Variants in LRIG1 observed in about 807,000 individuals in gnomAD.
LRIG1 encodes leucine-rich repeats and immunoglobulin-like domains protein 1.
Under a neutral mutation model 99.2 loss-of-function variants are expected in LRIG1, and 48 were observed. That is an observed-to-expected ratio of 0.48 (90% CI 0.38 to 0.62). The LOEUF (loss-of-function observed/expected upper bound fraction) is 0.62. Ranked by LOEUF, LRIG1 falls within the 20% of genes least tolerant of loss-of-function variation. The pLI is 0.00. For missense variants in LRIG1, 1,646 were observed against 1,434.4 expected (o/e 1.15, Z -2.38); for synonymous variants, 772 against 596.1 (o/e 1.29, Z -4.30).
At chr3:66,464,022 C>T (rs1700415200) in intron 1 of LRIG1, among the ~76,000 whole-genome samples, 1 of 152,126 alleles carries the variant, frequency 6.6e-6, no homozygotes, top group African/African-American at 2.4e-5. Context: ...CTTGTCTGTG[C>T]CTGGGGGTAT....
At chr3:66,382,649 G>A (rs138285416) in intron 15 of LRIG1, among the ~76,000 whole-genome samples, 49 of 152,330 alleles carry the variant, frequency 3.2e-4, no homozygotes, top group Non-Finnish European at 4.6e-4. Context: ...ATGGAAAGCC[G>A]GGGCTCACAG....
Position 66,492,468 on chromosome 3 carries a change from C to T in LRIG1, c.218+7722G>A, listed in dbSNP as rs116257524. On this transcript the variant is annotated intron_variant, in intron 1 of 18. Transcript: ENST00000273261. Reference sequence around the variant, plus strand: ...AAGAAAAACCCTGCATTACGTTCATCGTGTTTCTCAAAGTCCAGCTAATTC... The same window carrying T: ...AAGAAAAACCCTGCATTACGTTCATTGTGTTTCTCAAAGTCCAGCTAATTC... Among the ~76,000 whole-genome samples the T allele has an allele frequency of 4.8e-3, 723 of 152,182 alleles. 5 individuals carry two copies. Among genetic ancestry groups the T allele is most frequent in the African/African-American group, 0.017 (685 of 41,514 alleles).
intron 3 of LRIG1, among the ~76,000 whole-genome samples, chr3:66,420,333 GGA>G (rs1401683376): frequency 6.6e-6 from 1 of 152,198 alleles, no homozygotes; most frequent in East Asian, 1.9e-4. Context: ...GTGAGGATGT[GGA>G]GAGAGTGAAA....
chr3:66,488,113 C>A (rs1701015676), intron 1 of LRIG1, among the ~76,000 whole-genome samples: 1 of 152,040 alleles, frequency 6.6e-6, no homozygotes, highest in Admixed American at 6.5e-5. Context: ...CCACTGAAGG[C>A]ACTAACAAAT....
chr3:66,378,829 C>G lies in LRIG1; in HGVS notation c.*1434G>C, dbSNP rs1268328904. The G allele has an allele frequency of 6.6e-6, 1 of 152,510 alleles. No homozygotes were observed. Among genetic ancestry groups the G allele is most frequent in the Non-Finnish European group, 1.5e-5 (1 of 67,986 alleles). 9.4% of individuals were successfully genotyped at this position (152,510 alleles called of 1,614,324 possible). A position where few individuals can be genotyped will look rare whatever the true frequency, so the allele number is the denominator to read the frequency against. On this transcript the variant is annotated 3_prime_UTR_variant, in exon 19 of 19. Transcript: ENST00000273261. ...TATAAATGAACCTTTATTAAAGACACTTCAATGCCATTTGTTAGACACTTC... is the reference window on the plus strand; with the variant it reads ...TATAAATGAACCTTTATTAAAGACAGTTCAATGCCATTTGTTAGACACTTC...
At position 66,406,418 on chromosome 3, in the gene LRIG1, G is replaced by A. The variant is rs536267355; in HGVS notation, c.1079+930C>T. 2.4e-5 allele frequency: 24 copies of A among 985,384 alleles called. No homozygotes were observed. The African/African-American group carries it at 4.2e-4, about 17-fold the overall frequency. 61.0% of individuals were successfully genotyped at this position (985,384 alleles called of 1,614,324 possible). A position where few individuals can be genotyped will look rare whatever the true frequency, so the allele number is the denominator to read the frequency against. On this transcript the variant is annotated intron_variant, in intron 8 of 18. Transcript: ENST00000273261. ...CAGCCTTGTTATTTGGGCCTTGTATGGGCTCACAGGCTGACCTGGCCTGAA... is the reference window on the plus strand; with the variant it reads ...CAGCCTTGTTATTTGGGCCTTGTATAGGCTCACAGGCTGACCTGGCCTGAA...
chr3:66,420,062 G>A (rs1298260457), intron 3 of LRIG1, among the ~76,000 whole-genome samples: 1 of 152,144 alleles, frequency 6.6e-6, no homozygotes, highest in Non-Finnish European at 1.5e-5. Flanking sequence ...TTTCTGATAA[G>A]GGGCTAATAT....
chr3:66,451,996 C>T (rs1348181473), intron 2 of LRIG1, among the ~76,000 whole-genome samples: 1 of 152,118 alleles, frequency 6.6e-6, no homozygotes, highest in Admixed American at 6.5e-5. Flanking sequence ...CCCCGTGGGC[C>T]GAAATTTGCC....
At chr3:66,406,198 AG>A (rs1702263705) in intron 8 of LRIG1, 1 of 985,358 alleles carries the variant, frequency 1.0e-6, no homozygotes, top group African/African-American at 1.7e-5. Flanking sequence ...TTGTCACAGC[AG>A]GAAGGTCAAA....
Position 66,382,999 on chromosome 3 carries a change from TACTCTTC to T in LRIG1, c.2467_2473del (p.Glu823ThrfsTer180). 1 of 1,612,994 alleles carries T rather than the reference TACTCTTC, an allele frequency of 6.2e-7. No individual in the cohort carries two copies. The highest frequency in any genetic ancestry group is 8.5e-7 in the Non-Finnish European group (1 of 1,179,298). The stretch of plus-strand genomic sequence containing the variant: ...GGCCTGACCTGTGTTGGTGACACTG[TACTCTTC>T]ACTCTTCTTCCTGGTCTGGTAGATG... On this transcript the variant is annotated frameshift_variant, in exon 15 of 19. Transcript: ENST00000273261. LOFTEE classifies it high-confidence loss of function.
At chr3:66,400,520 T>G (rs549128014) in intron 9 of LRIG1, among the ~76,000 whole-genome samples, 4 of 152,172 alleles carry the variant, frequency 2.6e-5, no homozygotes, top group Non-Finnish European at 5.9e-5. Context: ...TCAACAGGTC[T>G]GTCCAAGGCA....
chr3:66,410,286 C>A lies in LRIG1; in HGVS notation c.792-14G>T, dbSNP rs1246838476. 1.3e-6 allele frequency: 2 copies of A among 1,593,604 alleles called. No homozygotes were observed. The highest frequency in any genetic ancestry group is 8.5e-7 in the Non-Finnish European group (1 of 1,170,226). On this transcript the variant is annotated splice_polypyrimidine_tract_variant and intron_variant, in intron 6 of 18. Transcript: ENST00000273261. ...TACTCCAGGTGCCTGCAATGACAGCCATGCACAGGATGAAGAGGAGCTTTC... is the reference window on the plus strand; with the variant it reads ...TACTCCAGGTGCCTGCAATGACAGCAATGCACAGGATGAAGAGGAGCTTTC...
intron 1 of LRIG1, among the ~76,000 whole-genome samples, chr3:66,466,413 A>C (rs1221035503): frequency 1.3e-5 from 2 of 152,240 alleles, no homozygotes; most frequent in African/African-American, 4.8e-5. Context: ...GTATCCATTC[A>C]TCACAGATGA....
intron 17 of LRIG1, chr3:66,381,067 G>A: frequency 1.7e-6 from 1 of 605,954 alleles, no homozygotes; most frequent in East Asian, 2.8e-5. Context: ...GGTCTTTCGT[G>A]TTTACAGTGA....
chr3:66,475,963 T>C (rs1700713804), intron 1 of LRIG1, among the ~76,000 whole-genome samples: 1 of 152,190 alleles, frequency 6.6e-6, no homozygotes, highest in African/African-American at 2.4e-5. Flanking sequence ...CTTTACAGCT[T>C]GATTTCTTTT....
chr3:66,391,058 AC>A (rs1332444455), intron 12 of LRIG1, among the ~76,000 whole-genome samples: 1 of 152,208 alleles, frequency 6.6e-6, no homozygotes, highest in Non-Finnish European at 1.5e-5. Context: ...GCAGGTGAAA[AC>A]ATGCCTAACA....
At chr3:66,404,256 G>C (rs984628617) in intron 9 of LRIG1, 1 of 1,289,134 alleles carries the variant, frequency 7.8e-7, no homozygotes, top group South Asian at 1.2e-5. Context: ...CTCTATCATC[G>C]AGCTCCACTA....
chr3:66,450,989 A>G (rs1703886413), intron 3 of LRIG1, among the ~76,000 whole-genome samples: 1 of 152,216 alleles, frequency 6.6e-6, no homozygotes, highest in Non-Finnish European at 1.5e-5. Flanking sequence ...AATATTCCCA[A>G]TGGGTGCCTT....
intron 2 of LRIG1, among the ~76,000 whole-genome samples, chr3:66,460,053 T>C (rs1575708010): frequency 6.6e-6 from 1 of 152,170 alleles, no homozygotes; most frequent in Admixed American, 6.5e-5. Context: ...TGCTGAGTCT[T>C]TGGTGTCCCC....
Sources: allele counts gnomAD v4.1 joint callset (sites outside exome capture counted in the v4.1 genomes callset), GRCh38; gene constraint gnomAD v4.1.1; transcripts MANE v1.5; gene names NCBI Gene and HGNC (gene_info 2026-07-23, HGNC 2026-07-21).